The following TCF24 variants were observed in gnomAD, a reference collection of about 807,000 sequenced individuals.
The protein encoded by TCF24 is transcription factor 24.
In TCF24, 5 loss-of-function variants were observed where a neutral mutation model predicts 9.3. That is an observed-to-expected ratio of 0.54 (90% confidence interval 0.28 to 1.13). TCF24 has a LOEUF of 1.13. Among genes scored for constraint, TCF24 ranks in the 50% most tolerant of loss-of-function variants. The pLI is 0.09. For missense variants in TCF24, 220 were observed against 236.1 expected (o/e 0.93, Z 0.45); for synonymous variants, 110 against 115.8 (o/e 0.95, Z 0.32).
chr8:66,962,425 C>T lies in TCF24; in HGVS notation c.-231G>A, dbSNP rs545508433. The T allele has an allele frequency of 6.6e-6, 1 of 152,640 alleles. No individual in the cohort carries two copies. The highest frequency in any genetic ancestry group is 2.1e-4 in the South Asian group (1 of 4,840). The allele number at this position is 152,640 out of a possible 1,614,324, so 9.5% of individuals were successfully genotyped here. The stretch of plus-strand genomic sequence containing the variant: ...GTGGCCAGGGCCGCGCTGGTCACTC[C>T]ATCCTCGTCCGGCCGATGCCCAAGT... On this transcript the variant is annotated 5_prime_UTR_variant, in exon 1 of 4. It removes an upstream start codon present in the reference 5' UTR. Transcript: ENST00000563496.
chr8:66,950,766 T>C (rs1201052207), intron 3 of TCF24, among the ~76,000 whole-genome samples: 187 of 151,860 alleles, frequency 1.2e-3, no homozygotes, highest in African/African-American at 4.3e-3. Flanking sequence ...TTTTATTTCA[T>C]TGAGCAGTGG....
rs559801801 is a variant in TCF24, at chr8:66,948,047, G to C, written c.*4C>G. 74 of 1,515,252 alleles carry C rather than the reference G, an allele frequency of 4.9e-5. 1 individual carries two copies. In the South Asian group the frequency reaches 8.6e-4, roughly 18 times the overall value. 93.9% of individuals were successfully genotyped at this position (1,515,252 alleles called of 1,614,324 possible). On this transcript the variant is annotated 3_prime_UTR_variant, in exon 4 of 4. Coordinates refer to ENST00000563496, the MANE Select transcript of TCF24 (RefSeq NM_001193502.2). ...ACTTCTACCAGCCCCCACCAGGGGA[G>C]AGCCTAAGGCTGTGAGTCTGTTGGA...
chr8:66,948,581 G>A (rs1813999235), intron 3 of TCF24, among the ~76,000 whole-genome samples: 1 of 152,096 alleles, frequency 6.6e-6, no homozygotes, highest in African/African-American at 2.4e-5. Flanking sequence ...GCTGAAGTGA[G>A]CACTATATTT....
At chr8:66,961,033 T>C (rs1814243163) in intron 3 of TCF24, among the ~76,000 whole-genome samples, 1 of 152,188 alleles carries the variant, frequency 6.6e-6, no homozygotes, top group South Asian at 2.1e-4. Flanking sequence ...GTCATACATA[T>C]AACTCAGATA....
At chr8:66,954,629 G>A (rs1311730666) in intron 3 of TCF24, among the ~76,000 whole-genome samples, 1 of 152,124 alleles carries the variant, frequency 6.6e-6, no homozygotes, top group East Asian at 1.9e-4. Context: ...CACCCAGTTC[G>A]AGCTTCCAGG....
At chr8:66,949,674 C>T (rs946898365) in intron 3 of TCF24, among the ~76,000 whole-genome samples, 11 of 152,078 alleles carry the variant, frequency 7.2e-5, no homozygotes, top group African/African-American at 2.4e-4. Flanking sequence ...CTTGAGGAAT[C>T]GCCACACTGA....
intron 3 of TCF24, among the ~76,000 whole-genome samples, chr8:66,950,509 T>C (rs1273401440): frequency 1.3e-5 from 2 of 152,300 alleles, no homozygotes; most frequent in Non-Finnish European, 1.5e-5. Flanking sequence ...TAGTATAGTT[T>C]GAAGTCAGGT....
intron 2 of TCF24, 29 bp from the exon 3 acceptor site, chr8:66,961,817 C>A: frequency 9.2e-7 from 1 of 1,087,620 alleles, no homozygotes; most frequent in Non-Finnish European, 1.1e-6. Context: ...GCGGTGAGGC[C>A]GGGGGGCGGT....
In TCF24 at chr8:66,961,591, G is replaced by A; in HGVS notation, c.175C>T (p.Arg59Cys). 3 of 1,345,954 alleles carry A rather than the reference G, an allele frequency of 2.2e-6. No individual in the cohort carries two copies. The highest frequency in any genetic ancestry group is 2.9e-6 in the Non-Finnish European group (3 of 1,048,516). The allele number at this position is 1,345,954 out of a possible 1,614,324, so 83.4% of individuals were successfully genotyped here. A position where few individuals can be genotyped will look rare whatever the true frequency, so the allele number is the denominator to read the frequency against. ...RPAAANAARERSRVQTLRHAF... is the reference protein window; with the variant it reads ...RPAAANAARECSRVQTLRHAF... ...TGCCGCAGGGTCTGCACCCGGCTGC[G>A]CTCCCGCGCCGCATTCGCCGCCGCC... Residue 59 changes from arginine to cysteine, a missense_variant, in exon 3 of 4, where the codon CGC becomes TGC. Arg to Cys is a radical substitution (Grantham distance 180, BLOSUM62 -3). Coordinates refer to ENST00000563496, the MANE Select transcript of TCF24 (RefSeq NM_001193502.2).
At chr8:66,948,726 C>T (rs563511284) in intron 3 of TCF24, among the ~76,000 whole-genome samples, 3 of 151,084 alleles carry the variant, frequency 2.0e-5, no homozygotes, top group African/African-American at 7.3e-5. Flanking sequence ...GACGGAGTCT[C>T]GCTCTGTTAC....
At chr8:66,955,445 G>C (rs1016103909) in intron 3 of TCF24, among the ~76,000 whole-genome samples, 1 of 151,640 alleles carries the variant, frequency 6.6e-6, no homozygotes, top group Non-Finnish European at 1.5e-5. Context: ...CAGGGAGCAA[G>C]TGCTGCCTTA....
Position 66,947,500 on chromosome 8 carries a change from G to C in TCF24, c.*551C>G, listed in dbSNP as rs1813982333. ...AAGGTGACCAAGCCCTGTCCTCTGA[G>C]CAAACCATTTCTAATACTCCAAACA... On this transcript the variant is annotated 3_prime_UTR_variant, in exon 4 of 4. Coordinates refer to ENST00000563496, the MANE Select transcript of TCF24 (RefSeq NM_001193502.2). The C allele has an allele frequency of 6.6e-6, 1 of 152,264 alleles. No homozygotes were observed. The highest frequency in any genetic ancestry group is 2.4e-5 in the African/African-American group (1 of 41,440). The allele number at this position is 152,264 out of a possible 1,614,324, so 9.4% of individuals were successfully genotyped here. A position where few individuals can be genotyped will look rare whatever the true frequency, so the allele number is the denominator to read the frequency against.
At chr8:66,955,703 T>G (rs1041634235) in intron 3 of TCF24, among the ~76,000 whole-genome samples, 25 of 152,298 alleles carry the variant, frequency 1.6e-4, no homozygotes, top group Admixed American at 1.1e-3. Flanking sequence ...TAAGTCAGAA[T>G]GGACTATTAC....
intron 3 of TCF24, among the ~76,000 whole-genome samples, chr8:66,950,129 T>C (rs1423207563): frequency 7.1e-5 from 10 of 140,602 alleles, no homozygotes; most frequent in African/African-American, 2.6e-4. Context: ...CATTTGTCAA[T>C]TTTGTCTTTT....
At position 66,948,027 on chromosome 8, in the gene TCF24, T is replaced by C. The variant is rs1297228444; in HGVS notation, c.*24A>G. ...ATTTAAAAACAATAGCCACCACTTC[T>C]ACCAGCCCCCACCAGGGGAGAGCCT... On this transcript the variant is annotated 3_prime_UTR_variant, in exon 4 of 4. Transcript: ENST00000563496. The C allele has an allele frequency of 1.4e-6, 2 of 1,467,268 alleles. No homozygotes were observed. The highest frequency in any genetic ancestry group is 1.4e-5 in the African/African-American group (1 of 70,610). The allele number at this position is 1,467,268 out of a possible 1,614,324, so 90.9% of individuals were successfully genotyped here.
chr8:66,949,662 T>A (rs1814025282), intron 3 of TCF24, among the ~76,000 whole-genome samples: 1 of 152,104 alleles, frequency 6.6e-6, no homozygotes, highest in Admixed American at 6.6e-5. Context: ...TAGTTCTAGA[T>A]CCTTGAGGAA....
chr8:66,961,913 G>A lies in TCF24; in HGVS notation c.-60C>T. The A allele has an allele frequency of 1.5e-6, 1 of 658,906 alleles. No individual in the cohort carries two copies. Among genetic ancestry groups the A allele is most frequent in the Non-Finnish European group, 1.9e-6 (1 of 524,014 alleles). The allele number at this position is 658,906 out of a possible 1,614,324, so 40.8% of individuals were successfully genotyped here. Reference sequence around the variant, plus strand: ...CGGGGCTAAGGGCGCTCTCAAGCGAGCTCGTTTTGCCTGGGACGCGATTTG... The same window carrying A: ...CGGGGCTAAGGGCGCTCTCAAGCGAACTCGTTTTGCCTGGGACGCGATTTG... On this transcript the variant is annotated 5_prime_UTR_variant, in exon 2 of 4. Coordinates refer to ENST00000563496, the MANE Select transcript of TCF24 (RefSeq NM_001193502.2).
rs762174911 is a variant in TCF24 at position 66,962,553 on chromosome 8, G to C, written c.-359C>G. 1 of 152,308 alleles carries C rather than the reference G, an allele frequency of 6.6e-6. No individual in the cohort carries two copies. Among genetic ancestry groups the C allele is most frequent in the Non-Finnish European group, 1.5e-5 (1 of 68,116 alleles). The allele number at this position is 152,308 out of a possible 1,614,324, so 9.4% of individuals were successfully genotyped here. On this transcript the variant is annotated 5_prime_UTR_variant, in exon 1 of 4. Transcript: ENST00000563496. ...CTAAGGCAGGTCGGGCGGAGGACCT[G>C]GCCCACCGGAGAGGCTACGCCGGGG...
At chr8:66,949,337 G>C (rs1814019810) in intron 3 of TCF24, among the ~76,000 whole-genome samples, 1 of 151,218 alleles carries the variant, frequency 6.6e-6, no homozygotes, top group Non-Finnish European at 1.5e-5. Context: ...TCCCACCTAT[G>C]AGTGAGAATA....
Sources: gnomAD v4.1 joint callset for allele counts (sites outside exome capture counted in the v4.1 genomes callset) on GRCh38, gnomAD v4.1.1 for gene constraint, MANE v1.5 for transcripts, NCBI Gene and HGNC (gene_info 2026-07-23, HGNC 2026-07-21) for gene names.